ZNF804A: variants seen among roughly 807,000 people sequenced by gnomAD.
ZNF804A encodes zinc finger protein 804A.
ZNF804A carries 2 observed loss-of-function variants against 16.5 expected under a neutral mutation model. That is an observed-to-expected ratio of 0.12 (90% CI 0.05 to 0.38). The LOEUF (loss-of-function observed/expected upper bound fraction) is 0.38, where lower values mean the gene tolerates loss of function less well. Ranked by LOEUF, ZNF804A falls within the 10% of genes least tolerant of loss-of-function variation. The pLI is 0.99. For synonymous variants in ZNF804A, 534 were observed against 489.6 expected (o/e 1.09, Z -1.20); for missense variants, 1,473 against 1,390.7 (o/e 1.06, Z -0.94).
chr2:184,745,003 A>G (rs894609861), intron 1 of ZNF804A, among the ~76,000 whole-genome samples: 32 of 151,820 alleles, frequency 2.1e-4, no homozygotes, highest in Non-Finnish European at 1.2e-4. Context: ...ACCATAGGCA[A>G]GTTGTTCACA....
intron 2 of ZNF804A, among the ~76,000 whole-genome samples, chr2:184,925,900 C>T (rs1685602219): frequency 1.3e-5 from 2 of 150,696 alleles, no homozygotes; most frequent in South Asian, 4.1e-4. Context: ...CTGTTTTAAT[C>T]TTATCTATAT....
intron 2 of ZNF804A, among the ~76,000 whole-genome samples, chr2:184,922,350 CAAT>C (rs931623206): frequency 3.2e-4 from 48 of 152,026 alleles, no homozygotes; most frequent in African/African-American, 1.1e-3. Flanking sequence ...CTCTAATAGT[CAAT>C]GATGTTGAGC....
At chr2:184,773,396 C>T (rs1216758371) in intron 1 of ZNF804A, among the ~76,000 whole-genome samples, 1 of 151,742 alleles carries the variant, frequency 6.6e-6, no homozygotes, top group Admixed American at 6.6e-5. Flanking sequence ...TCAATTGACA[C>T]ACCATTAGAC....
chr2:184,797,270 T>C (rs1694646473), intron 1 of ZNF804A, among the ~76,000 whole-genome samples: 1 of 152,196 alleles, frequency 6.6e-6, no homozygotes, highest in South Asian at 2.1e-4. Flanking sequence ...TCTTATTTCT[T>C]AGGTCTATTG....
chr2:184,625,782 T>A (rs1364850311), intron 1 of ZNF804A, among the ~76,000 whole-genome samples: 2 of 152,214 alleles, frequency 1.3e-5, no homozygotes, highest in Non-Finnish European at 2.9e-5. Flanking sequence ...TTTAAATAGA[T>A]GTTTTGAACA....
chr2:184,604,118 A>AACTTCT (rs1195945678), intron 1 of ZNF804A, among the ~76,000 whole-genome samples: 3 of 117,512 alleles, frequency 2.6e-5, no homozygotes, highest in Non-Finnish European at 5.2e-5. Flanking sequence ...CTGCACCAAT[A>AACTTCT]GTTTCAGGTT....
intron 1 of ZNF804A, among the ~76,000 whole-genome samples, chr2:184,826,286 C>G (rs1481183951): frequency 6.6e-6 from 1 of 151,958 alleles, no homozygotes; most frequent in Non-Finnish European, 1.5e-5. Flanking sequence ...AAAATTTTGT[C>G]TAATTTAGAA....
At chr2:184,732,556 T>C (rs1411232967) in intron 1 of ZNF804A, among the ~76,000 whole-genome samples, 1 of 152,142 alleles carries the variant, frequency 6.6e-6, no homozygotes, top group Non-Finnish European at 1.5e-5. Context: ...TTTGTCAATA[T>C]CTTCAAAATA....
In ZNF804A at chr2:184,937,910, C is replaced by A. The variant is rs377532038; in HGVS notation, c.2514C>A (p.Asp838Glu). ...LKENTDYPVK[D>E]NSSLNPLDRL... is the part of the protein sequence containing the mutation. Reference sequence around the variant, plus strand: ...AAAATACAGATTATCCCGTGAAAGACAATTCTTCCTTAAATCCTCTGGATA... The same window carrying A: ...AAAATACAGATTATCCCGTGAAAGAAAATTCTTCCTTAAATCCTCTGGATA... Residue 838 changes from aspartate (D) to glutamate (E), a missense_variant, in exon 4 of 4, where the codon GAC becomes GAA. By Grantham distance (45) the Asp-to-Glu change is conservative (BLOSUM62 2). Coordinates refer to ENST00000302277, the MANE Select transcript of ZNF804A (RefSeq NM_194250.2). 9.3e-5 allele frequency: 150 copies of A among 1,613,952 alleles called. 1 individual carries two copies. The highest frequency in any genetic ancestry group is 1.2e-4 in the Non-Finnish European group (140 of 1,180,012).
At chr2:184,660,485 T>G (rs1169439483) in intron 1 of ZNF804A, among the ~76,000 whole-genome samples, 3 of 152,208 alleles carry the variant, frequency 2.0e-5, no homozygotes, top group Non-Finnish European at 4.4e-5. Flanking sequence ...AAACTTTGCA[T>G]GCACCCCACC....
At chr2:184,608,788 C>A (rs2105670196) in intron 1 of ZNF804A, among the ~76,000 whole-genome samples, 1 of 152,118 alleles carries the variant, frequency 6.6e-6, no homozygotes, top group South Asian at 2.1e-4. Flanking sequence ...ACATGAGATC[C>A]AAAGCTGAGA....
Position 184,598,685 on chromosome 2 carries a change from G to A in ZNF804A, c.-275G>A. ...GCCGGCCCGGCCCCCTCCTAGGCTG[G>A]AATCCTCCCGCGGGGCTCGTCGTCC... On this transcript the variant is annotated 5_prime_UTR_variant, in exon 1 of 4. Transcript: ENST00000302277. 1 of 250,212 alleles carries A rather than the reference G, an allele frequency of 4.0e-6. No individual in the cohort carries two copies. Among genetic ancestry groups the A allele is most frequent in the East Asian group, 7.4e-5 (1 of 13,424 alleles). 15.5% of individuals were successfully genotyped at this position (250,212 alleles called of 1,614,324 possible). A position where few individuals can be genotyped will look rare whatever the true frequency, so the allele number is the denominator to read the frequency against.
intron 1 of ZNF804A, among the ~76,000 whole-genome samples, chr2:184,745,931 A>G (rs1396164837): frequency 6.6e-6 from 1 of 151,690 alleles, no homozygotes; most frequent in Non-Finnish European, 1.5e-5. Flanking sequence ...ATATGCTGGT[A>G]TTTTATGCCA....
At chr2:184,803,662 C>A (rs1326295342) in intron 1 of ZNF804A, among the ~76,000 whole-genome samples, 1 of 152,106 alleles carries the variant, frequency 6.6e-6, no homozygotes, top group Admixed American at 6.5e-5. Flanking sequence ...TCTAAAAATA[C>A]TAAAATCTTG....
At chr2:184,785,809 G>A (rs1230161687) in intron 1 of ZNF804A, among the ~76,000 whole-genome samples, 2 of 152,004 alleles carry the variant, frequency 1.3e-5, no homozygotes, top group Non-Finnish European at 2.9e-5. Flanking sequence ...ACATATACCT[G>A]TACACATTGA....
chr2:184,870,527 G>C (rs1450519353), intron 2 of ZNF804A, among the ~76,000 whole-genome samples: 2 of 151,898 alleles, frequency 1.3e-5, no homozygotes, highest in Non-Finnish European at 2.9e-5. Flanking sequence ...CTGAAACTCT[G>C]CTAACTCAAA....
chr2:184,737,293 C>T (rs113066176), intron 1 of ZNF804A, among the ~76,000 whole-genome samples: 2,257 of 152,008 alleles, frequency 0.015, 62 homozygotes, highest in African/African-American at 0.051. Flanking sequence ...TATCTCCTGA[C>T]CTCGTGATCC....
At chr2:184,807,682 A>G (rs1219648950) in intron 1 of ZNF804A, among the ~76,000 whole-genome samples, 2 of 151,858 alleles carry the variant, frequency 1.3e-5, no homozygotes, top group African/African-American at 4.8e-5. Context: ...CAAGTCCCAT[A>G]GAGTCTTTTT....
intron 1 of ZNF804A, among the ~76,000 whole-genome samples, chr2:184,709,797 A>G (rs1459943223): frequency 6.7e-6 from 1 of 149,332 alleles, no homozygotes; most frequent in Non-Finnish European, 1.5e-5. Context: ...CTTTTCATAT[A>G]TATATATAAA....
Sources: allele counts gnomAD v4.1 joint callset (sites outside exome capture counted in the v4.1 genomes callset), GRCh38; gene constraint gnomAD v4.1.1; transcripts MANE v1.5; gene names NCBI Gene and HGNC (gene_info 2026-07-23, HGNC 2026-07-21).